Variants in ANKRD63 observed in about 807,000 individuals in gnomAD.
ANKRD63 encodes ankyrin repeat domain 63, also known as ankyrin repeat domain-containing protein 63.
ANKRD63 carries 18 observed loss-of-function variants against 21.2 expected under a neutral mutation model. That is an observed-to-expected ratio of 0.85 (90% CI 0.59 to 1.26). The LOEUF (loss-of-function observed/expected upper bound fraction) is 1.26, where lower values mean the gene tolerates loss of function less well. Ranked by LOEUF, ANKRD63 falls within the 50% of genes most tolerant of loss-of-function variation. The pLI is 0.00. For synonymous variants in ANKRD63, 322 were observed against 273.3 expected, an observed-to-expected ratio of 1.18 and a Z score of -1.76; for missense variants, 523 against 570.9, an observed-to-expected ratio of 0.92 and a Z score of 0.85.
rs570694008 is a variant in ANKRD63, at chr15:40,281,673, A to G, written c.914T>C (p.Leu305Ser). ...ACTGAGGCCAATGGGGGCTTGCGCTAAGGTTGGGGGCGCTCCCTCCAGCAC... is the reference window on the plus strand; with the variant it reads ...ACTGAGGCCAATGGGGGCTTGCGCTGAGGTTGGGGGCGCTCCCTCCAGCAC... ...QEVLEGAPPT[L>S]AQAPIGLSPH... The change falls in exon 1 of 1, where the codon TTA (leucine) becomes TCA (serine). Residue 305 changes from leucine to serine, a missense_variant. Physicochemically the swap from Leu to Ser is moderately radical, Grantham distance 145 (BLOSUM62 -2). Coordinates refer to ENST00000434396, the MANE Select transcript of ANKRD63 (RefSeq NM_001190479.3). 28 of 1,528,562 alleles carry G rather than the reference A, an allele frequency of 1.8e-5. No individual in the cohort carries two copies. Among genetic ancestry groups the G allele is most frequent in the South Asian group, 1.7e-4 (14 of 83,706 alleles). The allele number at this position is 1,528,562 out of a possible 1,614,324, so 94.7% of individuals were successfully genotyped here.
rs2039550696 is a variant in ANKRD63, at chr15:40,282,050, G to T, written c.537C>A (p.Arg179=). Residue 179 remains arginine (R), a synonymous_variant, in exon 1 of 1, where the codon CGC becomes CGA. Transcript: ENST00000434396. ...CCCGGGCCGCAGCGGCGGCGGCGGC[G>T]CGGCCCCAGGGCCCGGTGAGGGCCT... ...CVQALTGPWG[R]AAAAAAARGS... The T allele has an allele frequency of 8.1e-7, 1 of 1,230,124 alleles. No individual in the cohort carries two copies. The highest frequency in any genetic ancestry group is 1.0e-6 in the Non-Finnish European group (1 of 988,612). 76.2% of individuals were successfully genotyped at this position (1,230,124 alleles called of 1,614,324 possible).
In ANKRD63 at chr15:40,282,732, C is replaced by T; in HGVS notation, c.-146G>A. ...GCTGCAGCCGAGGGTCCCGAGGTTC[C>T]TACTCCGCTGTCCCGGAGGCTCCGA... is the stretch of plus-strand genomic sequence containing the variant. On this transcript the variant is annotated 5_prime_UTR_variant, in exon 1 of 1. Transcript: ENST00000434396. The T allele has an allele frequency of 1.7e-6, 1 of 604,440 alleles. No individual in the cohort carries two copies. Among genetic ancestry groups the T allele is most frequent in the Middle Eastern group, 4.6e-4 (1 of 2,156 alleles). The allele number at this position is 604,440 out of a possible 1,614,324, so 37.4% of individuals were successfully genotyped here. A position where few individuals can be genotyped will look rare whatever the true frequency, so the allele number is the denominator to read the frequency against.
In ANKRD63 at chr15:40,280,364, TAA is replaced by T. The variant is rs2039527272; in HGVS notation, c.*1078_*1079del. On this transcript the variant is annotated 3_prime_UTR_variant, in exon 1 of 1. Transcript: ENST00000434396. ...TTATCCCCCTCGCGGAGCTTCTATT[TAA>T]AGAGATATTGTCAGGCTCTTAAGCC... 6.6e-6 allele frequency among the ~76,000 whole-genome samples: 1 copy of T among 152,264 alleles called. No homozygotes were observed. The highest frequency in any genetic ancestry group is 6.5e-5 in the Admixed American group (1 of 15,288).
Position 40,279,730 on chromosome 15 carries a change from C to T in ANKRD63, c.*1714G>A, listed in dbSNP as rs193256085. Among the ~76,000 whole-genome samples the T allele has an allele frequency of 3.9e-3, 596 of 152,384 alleles. No individual in the cohort carries two copies. The highest frequency in any genetic ancestry group is 0.02 in the Middle Eastern group (6 of 294). On this transcript the variant is annotated 3_prime_UTR_variant, in exon 1 of 1. Coordinates refer to ENST00000434396, the MANE Select transcript of ANKRD63 (RefSeq NM_001190479.3). The stretch of plus-strand genomic sequence containing the variant: ...AGGCCCAGCAGTATCTCGGCACATT[C>T]TCGCTCTGGGCAGTTCCCTGGGAGT...
chr15:40,281,439 G>T lies in ANKRD63; in HGVS notation c.*5C>A. The T allele has an allele frequency of 2.9e-6, 4 of 1,384,064 alleles. No homozygotes were observed. The highest frequency in any genetic ancestry group is 3.7e-6 in the Non-Finnish European group (4 of 1,073,318). 85.7% of individuals were successfully genotyped at this position (1,384,064 alleles called of 1,614,324 possible). A position where few individuals can be genotyped will look rare whatever the true frequency, so the allele number is the denominator to read the frequency against. On this transcript the variant is annotated 3_prime_UTR_variant, in exon 1 of 1. Coordinates refer to ENST00000434396, the MANE Select transcript of ANKRD63 (RefSeq NM_001190479.3). The stretch of plus-strand genomic sequence containing the variant: ...GGGGAAGCAGGCCTCGGGCCTTGGC[G>T]CCGTTTACCGCTGAGCACGCAGCAC...
At position 40,282,725 on chromosome 15, in the gene ANKRD63, G is replaced by C. The variant is rs995972218; in HGVS notation, c.-139C>G. ...GTGGGCGGCTGCAGCCGAGGGTCCC[G>C]AGGTTCCTACTCCGCTGTCCCGGAG... On this transcript the variant is annotated 5_prime_UTR_variant, in exon 1 of 1. Coordinates refer to ENST00000434396, the MANE Select transcript of ANKRD63 (RefSeq NM_001190479.3). The C allele has an allele frequency of 1.4e-4, 88 of 638,730 alleles. No individual in the cohort carries two copies. The highest frequency in any genetic ancestry group is 1.5e-4 in the Non-Finnish European group (61 of 417,888). The allele number at this position is 638,730 out of a possible 1,614,324, so 39.6% of individuals were successfully genotyped here. A position where few individuals can be genotyped will look rare whatever the true frequency, so the allele number is the denominator to read the frequency against.
chr15:40,281,449 G>T lies in ANKRD63; in HGVS notation c.1138C>A (p.Arg380=). 7.1e-7 allele frequency: 1 copy of T among 1,408,056 alleles called. No homozygotes were observed. The highest frequency in any genetic ancestry group is 9.2e-7 in the Non-Finnish European group (1 of 1,086,014). The allele number at this position is 1,408,056 out of a possible 1,614,324, so 87.2% of individuals were successfully genotyped here. ...GCCTCGGGCCTTGGCGCCGTTTACC[G>T]CTGAGCACGCAGCACCACAGCCTCG... is the stretch of plus-strand genomic sequence containing the variant. ...GTEAVVLRAQ[R] Residue 380 remains arginine (R), a synonymous_variant, in exon 1 of 1, where the codon CGG becomes AGG. Transcript: ENST00000434396.
Position 40,282,712 on chromosome 15 carries a change from A to C in ANKRD63, c.-126T>G. On this transcript the variant is annotated 5_prime_UTR_variant, in exon 1 of 1. Transcript: ENST00000434396. ...TCTCCCTCCGCGCGTGGGCGGCTGCAGCCGAGGGTCCCGAGGTTCCTACTC... is the reference window on the plus strand; with the variant it reads ...TCTCCCTCCGCGCGTGGGCGGCTGCCGCCGAGGGTCCCGAGGTTCCTACTC... 1 of 716,448 alleles carries C rather than the reference A, an allele frequency of 1.4e-6. No homozygotes were observed. The highest frequency in any genetic ancestry group is 3.5e-5 in the East Asian group (1 of 28,972). The allele number at this position is 716,448 out of a possible 1,614,324, so 44.4% of individuals were successfully genotyped here. A position where few individuals can be genotyped will look rare whatever the true frequency, so the allele number is the denominator to read the frequency against.
At position 40,279,572 on chromosome 15, in the gene ANKRD63, G is replaced by C. The variant is rs1343962025; in HGVS notation, c.*1872C>G. ...CGGGGAGGGCCCAGCGCTGCCACCA[G>C]GGGGCACCAGAGATCACGTCCAGTG... On this transcript the variant is annotated 3_prime_UTR_variant, in exon 1 of 1. Coordinates refer to ENST00000434396, the MANE Select transcript of ANKRD63 (RefSeq NM_001190479.3). Among the ~76,000 whole-genome samples the C allele has an allele frequency of 1.3e-5, 2 of 152,232 alleles. No homozygotes were observed. The highest frequency in any genetic ancestry group is 4.8e-5 in the African/African-American group (2 of 41,458).
Position 40,279,634 on chromosome 15 carries a change from G to C in ANKRD63, c.*1810C>G, listed in dbSNP as rs1335098771. On this transcript the variant is annotated 3_prime_UTR_variant, in exon 1 of 1. Transcript: ENST00000434396. ...TTGGCCTAGCGGATGGGGGCAAGCG[G>C]AGGGCAAGGACTGGATAGGTGTCCT... Among the ~76,000 whole-genome samples, 1 of 152,220 alleles carries C rather than the reference G, an allele frequency of 6.6e-6. No homozygotes were observed. The highest frequency in any genetic ancestry group is 2.4e-5 in the African/African-American group (1 of 41,450).
At position 40,279,351 on chromosome 15, in the gene ANKRD63, T is replaced by A. The variant is rs910164111; in HGVS notation, c.*2093A>T. ...TTAACTTGGGGTCCTTATTGAAGGGTCTGGGCTCCTGCTACTCTCAATGCG... is the reference window on the plus strand; with the variant it reads ...TTAACTTGGGGTCCTTATTGAAGGGACTGGGCTCCTGCTACTCTCAATGCG... On this transcript the variant is annotated 3_prime_UTR_variant, in exon 1 of 1. Transcript: ENST00000434396. 7.9e-5 allele frequency among the ~76,000 whole-genome samples: 12 copies of A among 152,208 alleles called. No homozygotes were observed. Among genetic ancestry groups the A allele is most frequent in the African/African-American group, 2.4e-4 (10 of 41,450 alleles).
In ANKRD63 at chr15:40,280,537, A is replaced by G. The variant is rs2039529152; in HGVS notation, c.*907T>C. ...CCACGTGCGGGACGGGGGAGCTGGG[A>G]GGCGTGGAGGCGGGGAAGCGCTCAG... On this transcript the variant is annotated 3_prime_UTR_variant, in exon 1 of 1. Transcript: ENST00000434396. Among the ~76,000 whole-genome samples the G allele has an allele frequency of 6.6e-6, 1 of 152,266 alleles. No homozygotes were observed. The highest frequency in any genetic ancestry group is 2.4e-5 in the African/African-American group (1 of 41,472).
chr15:40,281,465 C>G lies in ANKRD63; in HGVS notation c.1122G>C (p.Val374=). 2 of 1,425,978 alleles carry G rather than the reference C, an allele frequency of 1.4e-6. No individual in the cohort carries two copies. Among genetic ancestry groups the G allele is most frequent in the Non-Finnish European group, 9.1e-7 (1 of 1,094,206 alleles). The allele number at this position is 1,425,978 out of a possible 1,614,324, so 88.3% of individuals were successfully genotyped here. The change falls in exon 1 of 1, where the codon GTG becomes GTC. Residue 374 remains valine, a synonymous_variant. Coordinates refer to ENST00000434396, the MANE Select transcript of ANKRD63 (RefSeq NM_001190479.3). ...CCGTTTACCGCTGAGCACGCAGCACCACAGCCTCGGTGCCCGCCTGCCAAG... is the reference window on the plus strand; with the variant it reads ...CCGTTTACCGCTGAGCACGCAGCACGACAGCCTCGGTGCCCGCCTGCCAAG... The part of the protein sequence containing the change: ...PNPWQAGTEA[V]VLRAQR
In ANKRD63 at chr15:40,282,494, C is replaced by T; in HGVS notation, c.93G>A (p.Val31=). 1 of 1,519,644 alleles carries T rather than the reference C, an allele frequency of 6.6e-7. No individual in the cohort carries two copies. 94.1% of individuals were successfully genotyped at this position (1,519,644 alleles called of 1,614,324 possible). ...TGATGCTGCGGTCCAGCGCATCCAACACGAAGCGGGCCAAGTGCACTTTGC... is the reference window on the plus strand; with the variant it reads ...TGATGCTGCGGTCCAGCGCATCCAATACGAAGCGGGCCAAGTGCACTTTGC... ...QAGKVHLARF[V]LDALDRSIID... The change falls in exon 1 of 1, where the codon GTG becomes GTA. Residue 31 remains valine, a synonymous_variant. Coordinates refer to ENST00000434396, the MANE Select transcript of ANKRD63 (RefSeq NM_001190479.3).
chr15:40,278,812 G>C lies in ANKRD63; in HGVS notation c.*2632C>G, dbSNP rs1473021794. Among the ~76,000 whole-genome samples, 2 of 152,094 alleles carry C rather than the reference G, an allele frequency of 1.3e-5. No individual in the cohort carries two copies. Among genetic ancestry groups the C allele is most frequent in the East Asian group, 3.8e-4 (2 of 5,204 alleles). On this transcript the variant is annotated 3_prime_UTR_variant, in exon 1 of 1. Transcript: ENST00000434396. The stretch of plus-strand genomic sequence containing the variant: ...CATCGCTTTCTACCACCAAGCTCTC[G>C]GCAGCTCCACAGAGAAGAGCCCTCA...
At position 40,282,593 on chromosome 15, in the gene ANKRD63, G is replaced by A. The variant is rs1438926749; in HGVS notation, c.-7C>T. On this transcript the variant is annotated 5_prime_UTR_variant, in exon 1 of 1. Transcript: ENST00000434396. ...GGTCCTTGGGTTTGAGCATGGCCCC[G>A]GCCGCCGCGCCCGGGCAGCCTGGCA... is the stretch of plus-strand genomic sequence containing the variant. 2.2e-6 allele frequency: 3 copies of A among 1,379,232 alleles called. No homozygotes were observed. The highest frequency in any genetic ancestry group is 2.8e-6 in the Non-Finnish European group (3 of 1,072,030). The allele number at this position is 1,379,232 out of a possible 1,614,324, so 85.4% of individuals were successfully genotyped here.
chr15:40,281,374 T>C lies in ANKRD63; in HGVS notation c.*70A>G, dbSNP rs1298134508. Reference sequence around the variant, plus strand: ...GCGGCTGCCGAAAAGGTGAGGGACCTAGAAGAGAGAAATACCAGTGGAGTA... The same window carrying C: ...GCGGCTGCCGAAAAGGTGAGGGACCCAGAAGAGAGAAATACCAGTGGAGTA... On this transcript the variant is annotated 3_prime_UTR_variant, in exon 1 of 1. Transcript: ENST00000434396. The C allele has an allele frequency of 1.6e-6, 2 of 1,285,284 alleles. No individual in the cohort carries two copies. The highest frequency in any genetic ancestry group is 7.4e-5 in the Admixed American group (2 of 27,196). The allele number at this position is 1,285,284 out of a possible 1,614,324, so 79.6% of individuals were successfully genotyped here.
rs1033285702 is a variant in ANKRD63, at chr15:40,282,051, C to T, written c.536G>A (p.Arg179His). The change falls in exon 1 of 1, where the codon CGC becomes CAC. Residue 179 changes from arginine to histidine, a missense_variant. Coordinates refer to ENST00000434396, the MANE Select transcript of ANKRD63 (RefSeq NM_001190479.3). Reference protein sequence around the residue: ...CVQALTGPWGRAAAAAAARGS... With the variant: ...CVQALTGPWGHAAAAAAARGS... ...CCGGGCCGCAGCGGCGGCGGCGGCG[C>T]GGCCCCAGGGCCCGGTGAGGGCCTG... 1 of 1,231,172 alleles carries T rather than the reference C, an allele frequency of 8.1e-7. No homozygotes were observed. The highest frequency in any genetic ancestry group is 1.0e-6 in the Non-Finnish European group (1 of 989,284). The allele number at this position is 1,231,172 out of a possible 1,614,324, so 76.3% of individuals were successfully genotyped here. A position where few individuals can be genotyped will look rare whatever the true frequency, so the allele number is the denominator to read the frequency against.
rs766336503 is a variant in ANKRD63 at position 40,281,482 on chromosome 15, C to T, written c.1105G>A (p.Ala369Thr). The T allele has an allele frequency of 7.0e-7, 1 of 1,435,384 alleles. No individual in the cohort carries two copies. The highest frequency in any genetic ancestry group is 2.8e-5 in the Admixed American group (1 of 35,500). The allele number at this position is 1,435,384 out of a possible 1,614,324, so 88.9% of individuals were successfully genotyped here. A position where few individuals can be genotyped will look rare whatever the true frequency, so the allele number is the denominator to read the frequency against. The stretch of plus-strand genomic sequence containing the variant: ...CGCAGCACCACAGCCTCGGTGCCCG[C>T]CTGCCAAGGGTTCGGCCCAGGCACC... Reference protein sequence around the residue: ...VSVPGPNPWQAGTEAVVLRAQ... With the variant: ...VSVPGPNPWQTGTEAVVLRAQ... The change falls in exon 1 of 1, where the codon GCG becomes ACG. Residue 369 changes from alanine (A) to threonine (T), a missense_variant. Physicochemically the swap from Ala to Thr is moderately conservative, Grantham distance 58. Transcript: ENST00000434396.
Sources: allele counts gnomAD v4.1 joint callset (sites outside exome capture counted in the v4.1 genomes callset), GRCh38; gene constraint gnomAD v4.1.1; transcripts MANE v1.5; gene names NCBI Gene and HGNC (gene_info 2026-07-23, HGNC 2026-07-21).